Variants in HIKESHI observed in about 807,000 individuals in gnomAD.
HIKESHI encodes the protein protein Hikeshi.
A neutral mutation model predicts 25.7 loss-of-function variants in HIKESHI; 13 were observed. The ratio of observed to expected loss-of-function variants is 0.51; its 90% CI spans 0.33 to 0.80. The LOEUF (loss-of-function observed/expected upper bound fraction) is 0.80, where lower values mean the gene tolerates loss of function less well. Among genes scored for constraint, HIKESHI ranks in the 30% least tolerant of loss-of-function variants. The probability of loss-of-function intolerance (pLI) is 0.02; values close to 1 mark genes in which losing one functional copy is unlikely to be tolerated. For missense variants in HIKESHI, 174 were observed against 229.5 expected (o/e 0.76, Z 1.56); for synonymous variants, 76 against 78.7 (o/e 0.97, Z 0.18).
At chr11:86,303,766 A>G (rs547344292) in intron 1 of HIKESHI, among the ~76,000 whole-genome samples, 1 of 152,210 alleles carries the variant, frequency 6.6e-6, no homozygotes, top group Non-Finnish European at 1.5e-5. Flanking sequence ...CGACTCTGTT[A>G]TAAGAAAAAT....
chr11:86,303,925 T>C (rs553770848), intron 1 of HIKESHI, among the ~76,000 whole-genome samples: 1 of 152,328 alleles, frequency 6.6e-6, no homozygotes, highest in South Asian at 2.1e-4. Flanking sequence ...ACTTAAGAAA[T>C]ATTTATTTTG....
chr11:86,327,097 G>A (rs1461093271), intron 2 of HIKESHI, among the ~76,000 whole-genome samples: 1 of 152,000 alleles, frequency 6.6e-6, no homozygotes, highest in African/African-American at 2.4e-5. Context: ...TGGTGTTTTG[G>A]GAAAATAATT....
At chr11:86,320,195 T>TG (rs1782479747) in intron 2 of HIKESHI, among the ~76,000 whole-genome samples, 1 of 152,266 alleles carries the variant, frequency 6.6e-6, no homozygotes, top group South Asian at 2.1e-4. Flanking sequence ...TTCTAACTAT[T>TG]GATACACCAT....
chr11:86,307,731 T>C (rs1946683530), intron 2 of HIKESHI, among the ~76,000 whole-genome samples: 1 of 100,516 alleles, frequency 9.9e-6, no homozygotes, highest in East Asian at 2.7e-4. Flanking sequence ...ATGTGTAGTA[T>C]ACATTATATA....
At chr11:86,337,339 G>A (rs1297803067) in intron 2 of HIKESHI, 40 bp from the exon 3 acceptor site, 1 of 1,579,110 alleles carries the variant, frequency 6.3e-7, no homozygotes, top group Non-Finnish European at 8.6e-7. Flanking sequence ...GTGACTACAA[G>A]TTTAATTTGA....
intron 3 of HIKESHI, chr11:86,343,898 C>G (rs113968202): frequency 6.6e-6 from 1 of 152,294 alleles, no homozygotes; most frequent in African/African-American, 2.4e-5. Flanking sequence ...AGGGTTAGTA[C>G]TTAAGCCCAT....
chr11:86,304,707 C>T (rs1460088213), intron 1 of HIKESHI, among the ~76,000 whole-genome samples: 6 of 151,976 alleles, frequency 3.9e-5, no homozygotes, highest in Admixed American at 6.6e-5. Flanking sequence ...GTAGATACTA[C>T]GTTTCGCCAT....
rs1258539325 is a variant in HIKESHI at position 86,304,841 on chromosome 11, T to TA, written c.31-1404_31-1403insA. Among the ~76,000 whole-genome samples, 3 of 151,490 alleles carry TA rather than the reference T, an allele frequency of 2.0e-5. No homozygotes were observed. In the East Asian group the frequency reaches 6.0e-4, roughly 30 times the overall value. On this transcript the variant is annotated intron_variant, in intron 1 of 4. Coordinates refer to ENST00000278483, the MANE Select transcript of HIKESHI (RefSeq NM_016401.4). ...TACAACTCACATTTTTTACTACTGT[T>TA]CATATGAGTATGTCCATGAATGACT...
At chr11:86,332,883 C>T (rs1247730344) in intron 2 of HIKESHI, among the ~76,000 whole-genome samples, 1 of 152,192 alleles carries the variant, frequency 6.6e-6, no homozygotes, top group South Asian at 2.1e-4. Flanking sequence ...ATTGCATTAA[C>T]CTACAATTTT....
Position 86,314,497 on chromosome 11 carries a change from C to T in HIKESHI, c.268+8015C>T, listed in dbSNP as rs561717032. Among the ~76,000 whole-genome samples the T allele has an allele frequency of 3.1e-4, 47 of 152,194 alleles. No homozygotes were observed. In the South Asian group the frequency reaches 9.8e-3, roughly 32 times the overall value. On this transcript the variant is annotated intron_variant, in intron 2 of 4. Transcript: ENST00000278483. ...AGGCATGGTGGCATGTGCCTGTAGT[C>T]CCAGCTACTCGGGAGACTGAGGCAT...
intron 4 of HIKESHI, chr11:86,345,090 A>G (rs1947837797): frequency 2.8e-6 from 3 of 1,088,374 alleles, no homozygotes; most frequent in Non-Finnish European, 3.3e-6. Flanking sequence ...CCCGTGTTTT[A>G]TAGATATTTC....
intron 2 of HIKESHI, among the ~76,000 whole-genome samples, chr11:86,334,236 ATGTGTGTGTGTGTGTGTGTGTGTG>A (rs60951435): frequency 6.8e-6 from 1 of 147,004 alleles, no homozygotes; most frequent in Non-Finnish European, 1.5e-5. Flanking sequence ...TTTGTAAAAT[ATGTGTGTGTGTGTGTGTGTGTGTG>A]TGTGTGTGTG....
At chr11:86,309,870 C>G (rs1472396684) in intron 2 of HIKESHI, among the ~76,000 whole-genome samples, 1 of 152,146 alleles carries the variant, frequency 6.6e-6, no homozygotes, top group African/African-American at 2.4e-5. Context: ...TCTCAAAGAT[C>G]AGATGGTTGT....
At chr11:86,339,384 AG>A (rs1433510406) in intron 3 of HIKESHI, among the ~76,000 whole-genome samples, 6 of 152,238 alleles carry the variant, frequency 3.9e-5, no homozygotes, top group African/African-American at 1.4e-4. Context: ...AGATACAAAT[AG>A]GTCCACAAAA....
intron 1 of HIKESHI, among the ~76,000 whole-genome samples, chr11:86,305,321 G>A (rs1014781547): frequency 2.6e-4 from 40 of 151,246 alleles, no homozygotes; most frequent in Admixed American, 2.4e-3. Flanking sequence ...AAGCTGGAGG[G>A]TGAGAGCTTA....
intron 2 of HIKESHI, among the ~76,000 whole-genome samples, chr11:86,311,095 C>T (rs1261656413): frequency 6.6e-6 from 1 of 152,090 alleles, no homozygotes; most frequent in African/African-American, 2.4e-5. Context: ...AGGGAGGATT[C>T]CCTCTTTTGC....
intron 3 of HIKESHI, 118 bp from the exon 4 acceptor site, chr11:86,344,483 ACT>A (rs1436184450): frequency 1.7e-6 from 1 of 598,318 alleles, no homozygotes; most frequent in African/African-American, 1.9e-5. Flanking sequence ...TCAGCATTAG[ACT>A]CTCTTAGAAC....
At chr11:86,344,804 C>A (rs777498939) in intron 4 of HIKESHI, 83 bp downstream of exon 4, 1 of 941,988 alleles carries the variant, frequency 1.1e-6, no homozygotes, top group Non-Finnish European at 1.7e-6. Context: ...CCTTTTTTGA[C>A]ATTTAAACAT....
chr11:86,320,859 T>G (rs1010619529), intron 2 of HIKESHI, among the ~76,000 whole-genome samples: 7 of 152,208 alleles, frequency 4.6e-5, no homozygotes, highest in African/African-American at 1.7e-4. Flanking sequence ...TTCTTTTTTT[T>G]GTCTGGCTTT....
Sources: allele counts gnomAD v4.1 joint callset (sites outside exome capture counted in the v4.1 genomes callset), GRCh38; gene constraint gnomAD v4.1.1; transcripts MANE v1.5; gene names NCBI Gene and HGNC (gene_info 2026-07-23, HGNC 2026-07-21).